ZKSCAN5: variants seen among roughly 807,000 people sequenced by gnomAD.
ZKSCAN5 encodes zinc finger with KRAB and SCAN domains 5.
ZKSCAN5 carries 28 observed loss-of-function variants against 60.0 expected under a neutral mutation model. The observed-to-expected ratio is 0.47, with a 90% CI of 0.35 to 0.64. The LOEUF (loss-of-function observed/expected upper bound fraction) is 0.64, where lower values mean the gene tolerates loss of function less well. Ranked by LOEUF, ZKSCAN5 falls within the 30% of genes least tolerant of loss-of-function variation. The pLI is 0.01. For missense variants in ZKSCAN5, 881 were observed against 1,034.6 expected, an observed-to-expected ratio of 0.85 and a Z score of 2.04; for synonymous variants, 361 against 371.2, an observed-to-expected ratio of 0.97 and a Z score of 0.31.
Position 99,531,922 on chromosome 7 carries a change from C to A in ZKSCAN5, c.2193C>A (p.Asp731Glu), listed in dbSNP as rs780056895. The A allele has an allele frequency of 3.7e-6, 6 of 1,614,136 alleles. No homozygotes were observed. In the South Asian group the frequency reaches 5.5e-5, roughly 15 times the overall value. Reference protein sequence around the residue: ...ICGKAFGYSSDLIQHYRTHTA... With the variant: ...ICGKAFGYSSELIQHYRTHTA... ...GAAAAGCCTTTGGTTATAGCTCAGA[C>A]CTCATTCAGCATTACAGAACTCATA... The change falls in exon 7 of 7, where the codon GAC becomes GAA. Residue 731 changes from aspartate to glutamate, a missense_variant. Coordinates refer to ENST00000326775, the MANE Select transcript of ZKSCAN5 (RefSeq NM_145102.4).
Position 99,531,983 on chromosome 7 carries a change from G to C in ZKSCAN5, c.2254G>C (p.Glu752Gln). The change falls in exon 7 of 7, where the codon GAA (glutamate) becomes CAA (glutamine). Residue 752 changes from glutamate (E) to glutamine (Q), a missense_variant. Coordinates refer to ENST00000326775, the MANE Select transcript of ZKSCAN5 (RefSeq NM_145102.4). ...EKPYQCDICR[E>Q]NVGQCSHTKQ... ...GCCCTATCAATGTGATATATGTAGA[G>C]AAAATGTTGGCCAGTGTTCCCACAC... is the stretch of plus-strand genomic sequence containing the variant. 6.2e-7 allele frequency: 1 copy of C among 1,614,188 alleles called. No individual in the cohort carries two copies. Among genetic ancestry groups the C allele is most frequent in the East Asian group, 2.2e-5 (1 of 44,890 alleles).
At chr7:99,512,280 C>T (rs1414048412) in intron 2 of ZKSCAN5, among the ~76,000 whole-genome samples, 173 bp from the exon 3 acceptor site, 1 of 152,170 alleles carries the variant, frequency 6.6e-6, no homozygotes, top group African/African-American at 2.4e-5. Context: ...AACGTCTTCT[C>T]CAACTAGAAG....
Position 99,531,497 on chromosome 7 carries a change from G to C in ZKSCAN5, c.1768G>C (p.Val590Leu). The change falls in exon 7 of 7, where the codon GTG becomes CTG. Residue 590 changes from valine to leucine, a missense_variant. Around this residue, in one of 5 missense-constraint regions of ZKSCAN5, gnomAD observed 112 missense variants for 182.4 expected, o/e 0.61. Transcript: ENST00000326775. Reference protein sequence around the residue: ...EECGKSYNQRVHLTQHQRVHT... With the variant: ...EECGKSYNQRLHLTQHQRVHT... Reference sequence around the variant, plus strand: ...ATGTGGGAAAAGCTACAACCAACGCGTGCACCTAACTCAGCATCAGCGCGT... The same window carrying C: ...ATGTGGGAAAAGCTACAACCAACGCCTGCACCTAACTCAGCATCAGCGCGT... The C allele has an allele frequency of 6.2e-7, 1 of 1,614,150 alleles. No homozygotes were observed. The highest frequency in any genetic ancestry group is 8.5e-7 in the Non-Finnish European group (1 of 1,180,032).
chr7:99,515,406 CAA>C (rs573506998), intron 3 of ZKSCAN5, among the ~76,000 whole-genome samples: 2 of 135,522 alleles, frequency 1.5e-5, no homozygotes, highest in Admixed American at 7.5e-5. Context: ...GACTCTGTCT[CAA>C]AAAAAAAAAC....
rs895962355 is a variant in ZKSCAN5, at chr7:99,512,559, C to T, written c.521C>T (p.Ala174Val). 78 of 1,613,994 alleles carry T rather than the reference C, an allele frequency of 4.8e-5. No individual in the cohort carries two copies. The highest frequency in any genetic ancestry group is 6.1e-5 in the Non-Finnish European group (72 of 1,180,012). ...PLTVDTQPEQ[A>V]PQKPRLLEEN... ...ACCGTGGACACCCAGCCTGAGCAAGCGCCACAGAAGCCTCGTCTCCTGGAG... is the reference window on the plus strand; with the variant it reads ...ACCGTGGACACCCAGCCTGAGCAAGTGCCACAGAAGCCTCGTCTCCTGGAG... Residue 174 changes from alanine to valine, a missense_variant, in exon 3 of 7, where the codon GCG (alanine) becomes GTG (valine). Physicochemically the swap from Ala to Val is moderately conservative, Grantham distance 64. Around this residue, in one of 5 missense-constraint regions of ZKSCAN5, gnomAD observed 490 missense variants for 554.5 expected, o/e 0.88. Transcript: ENST00000326775.
intron 2 of ZKSCAN5, among the ~76,000 whole-genome samples, chr7:99,507,527 ATG>A (rs894401822): frequency 6.1e-5 from 8 of 131,770 alleles, no homozygotes; most frequent in African/African-American, 1.0e-4. Flanking sequence ...ATATATGTAT[ATG>A]TGTATATATA....
chr7:99,526,116 C>G lies in ZKSCAN5; in HGVS notation c.1076C>G (p.Ser359Ter). The G allele has an allele frequency of 6.2e-7, 1 of 1,614,218 alleles. No individual in the cohort carries two copies. The highest frequency in any genetic ancestry group is 2.2e-5 in the East Asian group (1 of 44,880). The change falls in exon 6 of 7, where the codon TCA (serine) becomes TGA (stop). Residue 359 changes from serine (S) to a stop codon, truncating the protein, a stop_gained. Transcript: ENST00000326775. LOFTEE classifies it high-confidence loss of function. ...TGTGGCAAATTCTTCCTCCAAGCCT[C>G]AAACTTTATTCAGCATCGGCGCATC... Reference protein sequence around the residue: ...SDCGKFFLQASNFIQHRRIHT... With the variant: ...SDCGKFFLQA
rs1802117464 is a variant in ZKSCAN5 at position 99,532,976 on chromosome 7, CTG to C, written c.*729_*730del. 1.6e-5 allele frequency: 3 copies of C among 186,888 alleles called. No homozygotes were observed. The highest frequency in any genetic ancestry group is 5.2e-5 in the Admixed American group (1 of 19,414). 11.6% of individuals were successfully genotyped at this position (186,888 alleles called of 1,614,324 possible). On this transcript the variant is annotated 3_prime_UTR_variant, in exon 7 of 7. Transcript: ENST00000326775. ...GTTCAGTTTGTCAATTCAGGAGAAACTGTACTGGTCAGTCACATCTTACGGCG... is the reference window on the plus strand; with the variant it reads ...GTTCAGTTTGTCAATTCAGGAGAAACTACTGGTCAGTCACATCTTACGGCG...
intron 2 of ZKSCAN5, among the ~76,000 whole-genome samples, chr7:99,511,506 T>C (rs1183178592): frequency 6.6e-6 from 1 of 150,956 alleles, no homozygotes; most frequent in Non-Finnish European, 1.5e-5. Context: ...TGCAGTGGTG[T>C]GTCATAGCTC....
Position 99,533,280 on chromosome 7 carries a change from GC to G in ZKSCAN5, c.*1034del. 1 of 682,362 alleles carries G rather than the reference GC, an allele frequency of 1.5e-6. No individual in the cohort carries two copies. The highest frequency in any genetic ancestry group is 2.7e-6 in the Non-Finnish European group (1 of 372,240). 42.3% of individuals were successfully genotyped at this position (682,362 alleles called of 1,614,324 possible). On this transcript the variant is annotated 3_prime_UTR_variant, in exon 7 of 7. Coordinates refer to ENST00000326775, the MANE Select transcript of ZKSCAN5 (RefSeq NM_145102.4). ...AGCAGGCAGGCAGGAGGTCCTGTTA[GC>G]CCTGCCTTCCAGGAAGGTTGGGGTG...
chr7:99,532,260 A>G lies in ZKSCAN5; in HGVS notation c.*11A>G. On this transcript the variant is annotated 3_prime_UTR_variant, in exon 7 of 7. Transcript: ENST00000326775. ...GGGTCTCTGTTGTAGAATAGCTCTT[A>G]ATTTTAGAGAAACCTTCCTGGAGGG... is the stretch of plus-strand genomic sequence containing the variant. The G allele has an allele frequency of 6.5e-7, 1 of 1,537,524 alleles. No homozygotes were observed. Among genetic ancestry groups the G allele is most frequent in the Non-Finnish European group, 8.7e-7 (1 of 1,148,486 alleles).
chr7:99,522,490 T>C (rs1801580806), intron 5 of ZKSCAN5, among the ~76,000 whole-genome samples: 1 of 151,834 alleles, frequency 6.6e-6, no homozygotes, highest in South Asian at 2.1e-4. Flanking sequence ...TTTTTTTTTT[T>C]TGAGACAGTG....
rs1802088187 is a variant in ZKSCAN5 at position 99,532,234 on chromosome 7, G to A, written c.2505G>A (p.Glu835=). Residue 835 remains glutamate, a synonymous_variant, in exon 7 of 7, where the codon GAG becomes GAA. Transcript: ENST00000326775. ...ATCCCATAAATACCTTAAGTGTAGA[G>A]GGGTCTCTGTTGTAGAATAGCTCTT... ...RTDPINTLSV[E]GSLL 6.3e-7 allele frequency: 1 copy of A among 1,588,282 alleles called. No individual in the cohort carries two copies. The highest frequency in any genetic ancestry group is 1.8e-5 in the Admixed American group (1 of 54,596).
intron 2 of ZKSCAN5, among the ~76,000 whole-genome samples, chr7:99,511,949 C>G (rs1388314040): frequency 1.3e-5 from 2 of 152,132 alleles, no homozygotes; most frequent in Admixed American, 1.3e-4. Context: ...ACCACCACAC[C>G]CGGCTAATTT....
chr7:99,527,643 T>G (rs975139022), intron 6 of ZKSCAN5, among the ~76,000 whole-genome samples: 2 of 152,164 alleles, frequency 1.3e-5, no homozygotes, highest in African/African-American at 4.8e-5. Context: ...TTTTCTCTTT[T>G]GTCCCGATAA....
Position 99,531,547 on chromosome 7 carries a change from C to T in ZKSCAN5, c.1818C>T (p.Thr606=), listed in dbSNP as rs377387003. 272 of 1,614,086 alleles carry T rather than the reference C, an allele frequency of 1.7e-4. 1 individual carries two copies. The highest frequency in any genetic ancestry group is 3.3e-4 in the Middle Eastern group (2 of 6,084). ...QRVHTGEKPY[T]CPLCGKAFRV... ...TCCACACAGGTGAGAAGCCCTACAC[C>T]TGTCCCTTATGTGGGAAAGCCTTCA... The change falls in exon 7 of 7, where the codon ACC becomes ACT. Residue 606 remains threonine (T), a synonymous_variant. Transcript: ENST00000326775.
rs1293683624 is a variant in ZKSCAN5 at position 99,526,030 on chromosome 7, A to G, written c.990A>G (p.Ala330=). ...CTTCCCAGAAAAGGGATCTGGATGCAATCACAGACATCAGCCCTAAGCAAA... is the reference window on the plus strand; with the variant it reads ...CTTCCCAGAAAAGGGATCTGGATGCGATCACAGACATCAGCCCTAAGCAAA... ...QNPSQKRDLD[A]ITDISPKQST... is the part of the protein sequence containing the mutation. The change falls in exon 6 of 7, where the codon GCA becomes GCG. Residue 330 remains alanine (A), a synonymous_variant. Transcript: ENST00000326775. The G allele has an allele frequency of 6.2e-7, 1 of 1,614,080 alleles. No homozygotes were observed. Among genetic ancestry groups the G allele is most frequent in the Non-Finnish European group, 8.5e-7 (1 of 1,180,050 alleles).
Position 99,507,515 on chromosome 7 carries a change from G to GTGTA in ZKSCAN5, c.414+1058_414+1059insGTAT, listed in dbSNP as rs1562901557. On this transcript the variant is annotated intron_variant, in intron 2 of 6. Transcript: ENST00000326775. ...TGTATATATGTGTATATATATGTGT[G>GTGTA]TATATATGTATATGTGTATATATAT... 2.2e-5 allele frequency among the ~76,000 whole-genome samples: 3 copies of GTGTA among 136,706 alleles called. No individual in the cohort carries two copies. In the East Asian group the frequency reaches 6.2e-4, roughly 28 times the overall value. 89.7% of individuals were successfully genotyped at this position (136,706 alleles called of 152,430 possible).
At chr7:99,509,247 C>T (rs573165862) in intron 2 of ZKSCAN5, among the ~76,000 whole-genome samples, 70 of 152,220 alleles carry the variant, frequency 4.6e-4, no homozygotes, top group Non-Finnish European at 8.4e-4. Flanking sequence ...GCTCTGCCTT[C>T]CAAAGTGGTG....
Sources: gnomAD v4.1 joint callset for allele counts (sites outside exome capture counted in the v4.1 genomes callset) on GRCh38, gnomAD v4.1.1 for gene constraint, gnomAD v4.1.1 regional missense constraint, MANE v1.5 for transcripts, NCBI Gene and HGNC (gene_info 2026-07-23, HGNC 2026-07-21) for gene names.